Variants in NLGN4X observed in about 807,000 individuals in gnomAD.
The protein encoded by NLGN4X is neuroligin-4, X-linked.
NLGN4X carries 3 observed loss-of-function variants against 40.3 expected under a neutral mutation model. That is an observed-to-expected ratio of 0.07 (90% CI 0.03 to 0.19). The LOEUF is 0.19. Ranked by LOEUF, NLGN4X falls within the 10% of genes least tolerant of loss-of-function variation. The pLI is 1.00. For synonymous variants in NLGN4X, 270 were observed against 306.8 expected, an observed-to-expected ratio of 0.88 and a Z score of 1.25; for missense variants, 382 against 708.3, an observed-to-expected ratio of 0.54 and a Z score of 5.23.
chrX:6,033,550 T>C (rs1042081714), intron 2 of NLGN4X, among the ~76,000 whole-genome samples: 38 of 112,284 alleles, frequency 3.4e-4, no homozygotes, highest in African/African-American at 1.2e-3. Flanking sequence ...CTATTAAATA[T>C]CGTTTGAAGA....
At position 5,927,108 on chromosome X, in the gene NLGN4X, T is replaced by C. The variant is rs372428887; in HGVS notation, c.626-17869A>G. On this transcript the variant is annotated intron_variant, in intron 3 of 5. Coordinates refer to ENST00000381095, the MANE Select transcript of NLGN4X (RefSeq NM_181332.3). ...TTTGTTAAAAAAGATTTTTCTTCTG[T>C]ATGATCTTTGATACTGTAAATTTAT... Among the ~76,000 whole-genome samples, 8 of 111,829 alleles carry C rather than the reference T, an allele frequency of 7.2e-5. No homozygotes were observed. In the East Asian group the frequency reaches 1.1e-3, roughly 16 times the overall value.
intron 2 of NLGN4X, among the ~76,000 whole-genome samples, chrX:6,051,521 C>T (rs1335129662): frequency 9.0e-6 from 1 of 110,916 alleles, no homozygotes; most frequent in East Asian, 2.8e-4. Context: ...TGAAGACAGA[C>T]ATTGAAGTGA....
At chrX:5,966,328 T>G (rs186276458) in intron 3 of NLGN4X, among the ~76,000 whole-genome samples, 10 of 112,461 alleles carry the variant, frequency 8.9e-5, no homozygotes, top group Admixed American at 2.8e-4. Context: ...AAACTTAGCT[T>G]AAATATTAAT....
chrX:5,919,558 G>C (rs1328841016), intron 3 of NLGN4X, among the ~76,000 whole-genome samples: 1 of 111,300 alleles, frequency 9.0e-6, no homozygotes, highest in Non-Finnish European at 1.9e-5. Flanking sequence ...AGCGAGGGAA[G>C]CTTCATCTGT....
chrX:5,954,606 GTCT>G (rs1480444999), intron 3 of NLGN4X, among the ~76,000 whole-genome samples: 2 of 96,266 alleles, frequency 2.1e-5, no homozygotes, highest in Admixed American at 1.2e-4. Flanking sequence ...CTCTGTCTCT[GTCT>G]CTGTCTCTGT....
intron 3 of NLGN4X, among the ~76,000 whole-genome samples, chrX:6,014,401 G>A (rs1244973567): frequency 9.0e-6 from 1 of 111,542 alleles, no homozygotes; most frequent in Non-Finnish European, 1.9e-5. Context: ...ACACATTTGG[G>A]ACTTTTAGCA....
rs1423858611 is a variant in NLGN4X, at chrX:6,072,701, T to C, written c.473-43269A>G. 2.7e-5 allele frequency among the ~76,000 whole-genome samples: 3 copies of C among 111,936 alleles called. No homozygotes were observed. In the East Asian group the frequency reaches 8.5e-4, roughly 32 times the overall value. On this transcript the variant is annotated intron_variant, in intron 2 of 5. Coordinates refer to ENST00000381095, the MANE Select transcript of NLGN4X (RefSeq NM_181332.3). ...CCACCTCTGGGATGACACCTGTGTC[T>C]GTCTGCTCTCCCATTCAGTGCCGCC...
chrX:6,083,265 C>T (rs1297846300), intron 2 of NLGN4X, among the ~76,000 whole-genome samples: 5 of 110,220 alleles, frequency 4.5e-5, no homozygotes, highest in Non-Finnish European at 7.6e-5. Flanking sequence ...GCCCATGATG[C>T]GTTTTTAACG....
At chrX:6,053,540 G>A (rs1183311486) in intron 2 of NLGN4X, among the ~76,000 whole-genome samples, 1 of 111,076 alleles carries the variant, frequency 9.0e-6, no homozygotes, top group African/African-American at 3.3e-5. Context: ...GGAAGAGAGA[G>A]CTTTTTTATA....
intron 1 of NLGN4X, among the ~76,000 whole-genome samples, chrX:6,197,445 A>ATTTTTTTTTTTTT (rs1430016429): frequency 1.5e-4 from 13 of 86,700 alleles, no homozygotes; most frequent in Non-Finnish European, 2.3e-4. Flanking sequence ...TTTTTTTTGT[A>ATTTTTTTTTTTTT]TTTTTTATAG....
At chrX:6,029,621 T>C (rs1160619983) in intron 2 of NLGN4X, among the ~76,000 whole-genome samples, 189 bp from the exon 3 acceptor site, 2 of 111,881 alleles carry the variant, frequency 1.8e-5, no homozygotes, top group Non-Finnish European at 3.8e-5. Context: ...CGTTTTCTAT[T>C]TATGGAAATG....
chrX:5,902,394 G>A (rs1426076486), intron 5 of NLGN4X, among the ~76,000 whole-genome samples: 2 of 111,258 alleles, frequency 1.8e-5, no homozygotes, highest in Non-Finnish European at 3.8e-5. Flanking sequence ...GTGCACGCCT[G>A]TAGTCCCAGC....
chrX:6,113,647 C>T (rs2039203880), intron 2 of NLGN4X, among the ~76,000 whole-genome samples: 1 of 106,064 alleles, frequency 9.4e-6, no homozygotes. Flanking sequence ...AATGCCCTGG[C>T]TTTCAGTGAA....
chrX:5,943,036 A>G (rs2033999442), intron 3 of NLGN4X, among the ~76,000 whole-genome samples: 1 of 111,874 alleles, frequency 8.9e-6, no homozygotes, highest in African/African-American at 3.2e-5. Context: ...TAGAATATCC[A>G]AGTGGGTCCA....
chrX:6,078,019 G>C (rs2038250017), intron 2 of NLGN4X, among the ~76,000 whole-genome samples: 1 of 111,549 alleles, frequency 9.0e-6, no homozygotes, highest in South Asian at 3.8e-4. Context: ...ATTAAATTTT[G>C]CGAGACCCTT....
chrX:6,192,918 G>A (rs969731315), intron 1 of NLGN4X, among the ~76,000 whole-genome samples: 6 of 111,565 alleles, frequency 5.4e-5, no homozygotes, highest in African/African-American at 2.0e-4. Flanking sequence ...GGGTTACAAT[G>A]AATGACAGTG....
chrX:5,989,698 G>GT (rs749970135), intron 3 of NLGN4X, among the ~76,000 whole-genome samples: 23 of 111,633 alleles, frequency 2.1e-4, no homozygotes, highest in African/African-American at 7.5e-4. Context: ...CAACTTGTAT[G>GT]TTTTTCATAT....
rs150146083 is a variant in NLGN4X at position 6,203,396 on chromosome X, A to T, written c.-306+25145T>A. 7.0e-4 allele frequency among the ~76,000 whole-genome samples: 79 copies of T among 112,446 alleles called. No homozygotes were observed. In the East Asian group the frequency reaches 0.02, roughly 29 times the overall value. ...CTGAGATGGCCAACTGACACCTGCAATTAACACCTTCCTGGAATCCTCATC... is the reference window on the plus strand; with the variant it reads ...CTGAGATGGCCAACTGACACCTGCATTTAACACCTTCCTGGAATCCTCATC... On this transcript the variant is annotated intron_variant, in intron 1 of 5. Transcript: ENST00000381095.
intron 1 of NLGN4X, among the ~76,000 whole-genome samples, chrX:6,152,395 T>C (rs1037832969): frequency 1.8e-5 from 2 of 112,549 alleles, no homozygotes; most frequent in African/African-American, 3.2e-5. Context: ...AGTTTTGCTA[T>C]TGTTTACCAG....
Sources: gnomAD v4.1 joint callset for allele counts (sites outside exome capture counted in the v4.1 genomes callset) on GRCh38, gnomAD v4.1.1 for gene constraint, MANE v1.5 for transcripts, NCBI Gene and HGNC (gene_info 2026-07-23, HGNC 2026-07-21) for gene names.